Variants in TLE4 observed in about 807,000 individuals in gnomAD.
The protein encoded by TLE4 is TLE family member 4, transcriptional corepressor.
In TLE4, 8 loss-of-function variants were observed where a neutral mutation model predicts 92.8. The ratio of observed to expected loss-of-function variants is 0.09; its 90% CI spans 0.05 to 0.16. The LOEUF (loss-of-function observed/expected upper bound fraction) is 0.16, where lower values mean the gene tolerates loss of function less well. Ranked by LOEUF, TLE4 falls within the 10% of genes least tolerant of loss-of-function variation. The pLI, the probability that TLE4 is intolerant of heterozygous loss-of-function variation, is 1.00. For synonymous variants in TLE4, 371 were observed against 374.1 expected, an observed-to-expected ratio of 0.99 and a Z score of 0.10; for missense variants, 675 against 997.6, an observed-to-expected ratio of 0.68 and a Z score of 4.36.
At position 79,617,850 on chromosome 9, in the gene TLE4, C is replaced by T. The variant is rs1029345810; in HGVS notation, c.315+5132C>T. ...TTTTTCAAGGAAAAAAAAAAAAAAG[C>T]TTGTTTCTCTCTCATGTAATAGTAA... On this transcript the variant is annotated intron_variant, in intron 5 of 19. Coordinates refer to ENST00000376552, the MANE Select transcript of TLE4 (RefSeq NM_007005.6). Among the ~76,000 whole-genome samples the T allele has an allele frequency of 1.1e-3, 162 of 146,642 alleles. 1 individual carries two copies. The highest frequency in any genetic ancestry group is 3.6e-3 in the Middle Eastern group (1 of 274).
intron 2 of TLE4, 63 bp from the exon 3 acceptor site, chr9:79,574,810 G>A: frequency 2.9e-6 from 4 of 1,364,666 alleles, no homozygotes; most frequent in Non-Finnish European, 3.1e-6. Flanking sequence ...TAGAATATGC[G>A]TTTAAGAGTT....
intron 5 of TLE4, among the ~76,000 whole-genome samples, chr9:79,624,416 A>G (rs2051938020): frequency 2.0e-5 from 3 of 152,166 alleles, no homozygotes; most frequent in Admixed American, 2.0e-4. Flanking sequence ...GGGAGGAGGC[A>G]TTGTTTGCCT....
chr9:79,640,926 A>G (rs1294123480), intron 6 of TLE4, among the ~76,000 whole-genome samples: 2 of 152,110 alleles, frequency 1.3e-5, no homozygotes, highest in Non-Finnish European at 2.9e-5. Flanking sequence ...AGGCCAGTGA[A>G]ATAGAATAAA....
chr9:79,654,891 C>A (rs1317120046), intron 8 of TLE4, among the ~76,000 whole-genome samples: 1 of 152,140 alleles, frequency 6.6e-6, no homozygotes, highest in Non-Finnish European at 1.5e-5. Flanking sequence ...TGCCTGTAAT[C>A]CCAGCATATT....
chr9:79,589,773 A>T (rs533394084), intron 4 of TLE4, among the ~76,000 whole-genome samples: 11 of 152,120 alleles, frequency 7.2e-5, no homozygotes, highest in African/African-American at 2.4e-4. Flanking sequence ...TATATGATAG[A>T]CCGGGCTGCC....
At position 79,709,676 on chromosome 9, in the gene TLE4, G is replaced by T; in HGVS notation, c.1317G>T (p.Leu439=). The T allele has an allele frequency of 6.2e-7, 1 of 1,614,040 alleles. No homozygotes were observed. The change falls in exon 14 of 20, where the codon CTG becomes CTT. Residue 439 remains leucine (L), a synonymous_variant. Coordinates refer to ENST00000376552, the MANE Select transcript of TLE4 (RefSeq NM_007005.6). ...HMRVPAIPPN[L]TGIPGGKPAY... ...GTGTGCCAGCAATACCTCCAAACCTGACAGGCATTCCAGGAGGAAAACCGT... is the reference window on the plus strand; with the variant it reads ...GTGTGCCAGCAATACCTCCAAACCTTACAGGCATTCCAGGAGGAAAACCGT...
chr9:79,608,632 A>G lies in TLE4; in HGVS notation c.253-4024A>G, dbSNP rs991823776. On this transcript the variant is annotated intron_variant, in intron 4 of 19. Coordinates refer to ENST00000376552, the MANE Select transcript of TLE4 (RefSeq NM_007005.6). ...AACGAATGGTAAAAAGTTATTCTTC[A>G]GGAATGTTTCCTAAAACTGTAATTG... is the stretch of plus-strand genomic sequence containing the variant. 3.9e-5 allele frequency among the ~76,000 whole-genome samples: 6 copies of G among 152,088 alleles called. No individual in the cohort carries two copies. In the South Asian group the frequency reaches 6.2e-4, roughly 16 times the overall value.
At chr9:79,658,030 A>G (rs1232847796) in intron 8 of TLE4, among the ~76,000 whole-genome samples, 3 of 152,144 alleles carry the variant, frequency 2.0e-5, no homozygotes, top group African/African-American at 4.8e-5. Context: ...CTCTGTGCCT[A>G]TGCTTACCCA....
intron 4 of TLE4, among the ~76,000 whole-genome samples, chr9:79,590,671 A>C (rs2042322118): frequency 6.6e-6 from 1 of 152,132 alleles, no homozygotes; most frequent in South Asian, 2.1e-4. Flanking sequence ...ATTTTGCATC[A>C]GTTTAGGATG....
At chr9:79,717,402 C>A (rs1332357312) in intron 14 of TLE4, among the ~76,000 whole-genome samples, 1 of 152,160 alleles carries the variant, frequency 6.6e-6, no homozygotes. Flanking sequence ...GAAATGTCTT[C>A]TGTCCATTGG....
At chr9:79,686,077 A>G (rs1251849278) in intron 8 of TLE4, among the ~76,000 whole-genome samples, 1 of 152,210 alleles carries the variant, frequency 6.6e-6, no homozygotes, top group Admixed American at 6.5e-5. Flanking sequence ...AATACTATAA[A>G]TAGGCATTAT....
intron 1 of TLE4, 101 bp downstream of exon 1, chr9:79,572,936 G>A (rs2036231819): frequency 1.2e-5 from 15 of 1,287,180 alleles, no homozygotes; most frequent in Non-Finnish European, 1.6e-5. Flanking sequence ...GGGGCGTGGA[G>A]AGCCGCCCGA....
intron 4 of TLE4, among the ~76,000 whole-genome samples, chr9:79,604,121 G>A (rs865870846): frequency 1.3e-5 from 2 of 152,126 alleles, no homozygotes; most frequent in Non-Finnish European, 1.5e-5. Flanking sequence ...AGTGGGAGGA[G>A]GACGAGTAAT....
intron 8 of TLE4, among the ~76,000 whole-genome samples, chr9:79,675,564 C>G (rs12236143): frequency 0.54 from 82,414 of 152,040 alleles, 24,680 homozygotes; most frequent in East Asian, 0.74. Context: ...ATTTAACCAA[C>G]CACTTTAAAA....
chr9:79,674,385 T>C (rs1178205725), intron 8 of TLE4, among the ~76,000 whole-genome samples: 3 of 152,152 alleles, frequency 2.0e-5, no homozygotes, highest in African/African-American at 4.8e-5. Flanking sequence ...ATGAGCTGAC[T>C]AGGATTCAGT....
intron 6 of TLE4, among the ~76,000 whole-genome samples, chr9:79,643,349 T>A (rs111839462): frequency 0.011 from 1,673 of 152,312 alleles, 18 homozygotes; most frequent in African/African-American, 0.036. Context: ...AACAAGGACA[T>A]CTTCCTGTAT....
At chr9:79,709,117 G>A (rs2072552712) in intron 13 of TLE4, among the ~76,000 whole-genome samples, 1 of 152,160 alleles carries the variant, frequency 6.6e-6, no homozygotes, top group Non-Finnish European at 1.5e-5. Flanking sequence ...ACAAGCATGA[G>A]TCACCATGCC....
intron 4 of TLE4, among the ~76,000 whole-genome samples, chr9:79,584,461 A>G (rs1322498612): frequency 1.3e-5 from 2 of 152,182 alleles, no homozygotes; most frequent in Non-Finnish European, 2.9e-5. Context: ...GTACCATGCA[A>G]ACACACTGTG....
chr9:79,701,951 G>A (rs904328326), intron 8 of TLE4, among the ~76,000 whole-genome samples: 1 of 152,242 alleles, frequency 6.6e-6, no homozygotes, highest in African/African-American at 2.4e-5. Flanking sequence ...GGAACAAAAT[G>A]TTAAGGGAAC....
Sources: allele counts gnomAD v4.1 joint callset (sites outside exome capture counted in the v4.1 genomes callset), GRCh38; gene constraint gnomAD v4.1.1; transcripts MANE v1.5; gene names NCBI Gene and HGNC (gene_info 2026-07-23, HGNC 2026-07-21).